The following AK5 variants were observed in gnomAD, a reference collection of about 807,000 sequenced individuals.
AK5 encodes the protein adenylate kinase isoenzyme 5.
AK5 carries 27 observed loss-of-function variants against 69.5 expected under a neutral mutation model. The observed-to-expected ratio is 0.39, with a 90% CI of 0.29 to 0.54. The LOEUF (loss-of-function observed/expected upper bound fraction) is 0.54, where lower values mean the gene tolerates loss of function less well. Ranked by LOEUF, AK5 falls within the 20% of genes least tolerant of loss-of-function variation. The probability of loss-of-function intolerance (pLI) is 0.71; values close to 1 mark genes in which losing one functional copy is unlikely to be tolerated. For missense variants in AK5, 531 were observed against 700.4 expected, an observed-to-expected ratio of 0.76 and a Z score of 2.73; for synonymous variants, 260 against 244.4, an observed-to-expected ratio of 1.06 and a Z score of -0.60.
intron 8 of AK5, among the ~76,000 whole-genome samples, chr1:77,470,843 A>T (rs1654418723): frequency 5.6e-3 from 2 of 360 alleles, no homozygotes; most frequent in South Asian, 0.12. Context: ...ATATATATAT[A>T]TATATATATA....
intron 6 of AK5, among the ~76,000 whole-genome samples, chr1:77,367,049 C>A (rs1646962509): frequency 6.6e-6 from 1 of 152,114 alleles, no homozygotes; most frequent in African/African-American, 2.4e-5. Context: ...CGAAATTAAT[C>A]ATTCTCAGGC....
intron 10 of AK5, among the ~76,000 whole-genome samples, chr1:77,489,650 G>A (rs1570246125): frequency 6.6e-6 from 1 of 152,308 alleles, no homozygotes; most frequent in Non-Finnish European, 1.5e-5. Flanking sequence ...GCATATACCC[G>A]AAAAACATTG....
At chr1:77,391,497 A>ATG (rs1298435029) in intron 6 of AK5, among the ~76,000 whole-genome samples, 1 of 7,154 alleles carries the variant, frequency 1.4e-4, no homozygotes, top group African/African-American at 7.3e-4. Flanking sequence ...GTGTGTGTGT[A>ATG]TATATATATA....
chr1:77,400,245 G>T (rs1649117511), intron 6 of AK5, among the ~76,000 whole-genome samples: 1 of 152,092 alleles, frequency 6.6e-6, no homozygotes, highest in Non-Finnish European at 1.5e-5. Context: ...TGCCAGCCTT[G>T]GCATCTGCAT....
chr1:77,546,652 G>T (rs1012570751), intron 13 of AK5, among the ~76,000 whole-genome samples: 1 of 152,212 alleles, frequency 6.6e-6, no homozygotes, highest in Non-Finnish European at 1.5e-5. Flanking sequence ...AGAGGCTGCA[G>T]TGAGCTGAGA....
intron 8 of AK5, among the ~76,000 whole-genome samples, chr1:77,482,936 A>G (rs1190498757): frequency 6.9e-6 from 1 of 144,686 alleles, no homozygotes; most frequent in Non-Finnish European, 1.5e-5. Context: ...TTCTGATACC[A>G]AAGGATTTTG....
At chr1:77,294,072 A>G in intron 3 of AK5, 112 bp downstream of exon 3, 1 of 911,792 alleles carries the variant, frequency 1.1e-6, no homozygotes, top group Non-Finnish European at 1.6e-6. Context: ...GACAAGCAAT[A>G]GAAACAAAAG....
chr1:77,426,824 T>C (rs933266950), intron 8 of AK5, among the ~76,000 whole-genome samples: 13 of 152,130 alleles, frequency 8.5e-5, no homozygotes, highest in Admixed American at 3.9e-4. Context: ...TAGTATTCAA[T>C]AACAGAAAGA....
chr1:77,494,283 A>G (rs958345700), intron 10 of AK5, among the ~76,000 whole-genome samples: 8 of 152,212 alleles, frequency 5.3e-5, no homozygotes, highest in African/African-American at 1.7e-4. Flanking sequence ...GAAATGGCCA[A>G]TGTTCCTTGT....
intron 3 of AK5, among the ~76,000 whole-genome samples, 158 bp from the exon 4 acceptor site, chr1:77,297,401 T>G (rs542352263): frequency 6.6e-6 from 1 of 152,314 alleles, no homozygotes; most frequent in Admixed American, 6.5e-5. Context: ...CTCTACTTGC[T>G]TTACATTCAA....
At chr1:77,443,289 T>A (rs1279188442) in intron 8 of AK5, among the ~76,000 whole-genome samples, 2 of 152,152 alleles carry the variant, frequency 1.3e-5, no homozygotes, top group Non-Finnish European at 2.9e-5. Flanking sequence ...ATTCATTGTG[T>A]ACTGACTCGT....
intron 2 of AK5, among the ~76,000 whole-genome samples, chr1:77,290,104 T>A (rs1227684665): frequency 6.6e-6 from 1 of 152,204 alleles, no homozygotes; most frequent in Non-Finnish European, 1.5e-5. Flanking sequence ...CACACAGGGA[T>A]CTTTTAGTTA....
At chr1:77,375,283 G>A (rs1314794827) in intron 6 of AK5, among the ~76,000 whole-genome samples, 1 of 152,152 alleles carries the variant, frequency 6.6e-6, no homozygotes, top group Non-Finnish European at 1.5e-5. Context: ...ATTTTATCTG[G>A]CATGCCAAAC....
chr1:77,454,759 A>G (rs1653368776), intron 8 of AK5, among the ~76,000 whole-genome samples: 1 of 151,960 alleles, frequency 6.6e-6, no homozygotes, highest in Non-Finnish European at 1.5e-5. Flanking sequence ...TGATGACATT[A>G]GTCTTACACA....
intron 5 of AK5, among the ~76,000 whole-genome samples, chr1:77,332,609 T>G (rs1661148326): frequency 1.4e-4 from 1 of 7,284 alleles, no homozygotes; most frequent in Non-Finnish European, 3.3e-4. Context: ...ATTTGATTAT[T>G]TATTTATTTA....
At chr1:77,520,071 C>T (rs1657894646) in intron 11 of AK5, among the ~76,000 whole-genome samples, 2 of 151,956 alleles carry the variant, frequency 1.3e-5, no homozygotes, top group South Asian at 2.1e-4. Flanking sequence ...GGCATGGTGG[C>T]GGGCACCTGT....
In AK5 at chr1:77,380,092, G is replaced by A. The variant is rs373220612; in HGVS notation, c.892-30889G>A. ...ACTATTAAGAAGGCAGACACTGAAT[G>A]AGCCAGCTGAAATGCAAAGACACGA... On this transcript the variant is annotated intron_variant, in intron 6 of 13. Coordinates refer to ENST00000354567, the MANE Select transcript of AK5 (RefSeq NM_174858.3). Among the ~76,000 whole-genome samples the A allele has an allele frequency of 3.5e-4, 54 of 152,318 alleles. 1 individual carries two copies. The highest frequency in any genetic ancestry group is 1.2e-3 in the African/African-American group (51 of 41,564).
chr1:77,359,015 A>C (rs7529652), intron 6 of AK5, among the ~76,000 whole-genome samples: 1,985 of 151,972 alleles, frequency 0.013, 46 homozygotes, highest in African/African-American at 0.046. Context: ...CAGCACTTTG[A>C]GAGGCTGAGG....
intron 8 of AK5, among the ~76,000 whole-genome samples, chr1:77,470,558 T>C (rs1654398051): frequency 6.6e-6 from 1 of 152,036 alleles, no homozygotes; most frequent in Non-Finnish European, 1.5e-5. Context: ...CACTTGAGCA[T>C]GTACTGCATG....
Sources: allele counts gnomAD v4.1 joint callset (sites outside exome capture counted in the v4.1 genomes callset), GRCh38; gene constraint gnomAD v4.1.1; transcripts MANE v1.5; gene names NCBI Gene and HGNC (gene_info 2026-07-23, HGNC 2026-07-21).